Variants in VAT1L observed in about 807,000 individuals in gnomAD.
VAT1L encodes the protein vesicle amine transport 1 like.
VAT1L carries 34 observed loss-of-function variants against 44.1 expected under a neutral mutation model. That is an observed-to-expected ratio of 0.77 (90% CI 0.59 to 1.03). The LOEUF (loss-of-function observed/expected upper bound fraction) is 1.03, where lower values mean the gene tolerates loss of function less well. VAT1L is among the 50% of genes least tolerant of loss of function. VAT1L has a pLI of 0.00. For synonymous variants in VAT1L, 253 were observed against 202.2 expected (o/e 1.25, Z -2.13); for missense variants, 615 against 538.8 (o/e 1.14, Z -1.40).
At chr16:77,808,190 A>G (rs1382965338) in intron 1 of VAT1L, among the ~76,000 whole-genome samples, 1 of 152,106 alleles carries the variant, frequency 6.6e-6, no homozygotes, top group Non-Finnish European at 1.5e-5. Flanking sequence ...GATCAGCGGC[A>G]GCATTAGGTT....
Position 77,967,091 on chromosome 16 carries a change from T to C in VAT1L, c.1078-4759T>C, listed in dbSNP as rs200203714. On this transcript the variant is annotated intron_variant, in intron 7 of 8. Transcript: ENST00000302536. The stretch of plus-strand genomic sequence containing the variant: ...CCGGGGTGCTTTCACTTATAAACGG[T>C]AATTTGGGAGCAATGTCTCTTTTGT... Among the ~76,000 whole-genome samples, 13 of 152,160 alleles carry C rather than the reference T, an allele frequency of 8.5e-5. No homozygotes were observed. In the East Asian group the frequency reaches 2.5e-3, roughly 29 times the overall value.
chr16:77,977,313 C>A (rs2018351656), intron 8 of VAT1L, among the ~76,000 whole-genome samples: 1 of 152,192 alleles, frequency 6.6e-6, no homozygotes, highest in African/African-American at 2.4e-5. Context: ...TACTAACATA[C>A]CCTGCATTGG....
intron 7 of VAT1L, among the ~76,000 whole-genome samples, chr16:77,939,985 G>T (rs2017858492): frequency 6.6e-6 from 1 of 152,146 alleles, no homozygotes; most frequent in Admixed American, 6.5e-5. Context: ...ATAGAAATGA[G>T]ATCATCAGAC....
At chr16:77,863,170 C>T (rs1163154798) in intron 4 of VAT1L, among the ~76,000 whole-genome samples, 1 of 152,196 alleles carries the variant, frequency 6.6e-6, no homozygotes, top group Non-Finnish European at 1.5e-5. Flanking sequence ...AAGTTTATTT[C>T]TCATTCATTC....
In VAT1L at chr16:77,837,569, A is replaced by C. The variant is rs911869046; in HGVS notation, c.579+12108A>C. Among the ~76,000 whole-genome samples the C allele has an allele frequency of 5.3e-5, 8 of 152,188 alleles. No homozygotes were observed. In the East Asian group the frequency reaches 1.5e-3, roughly 29 times the overall value. The stretch of plus-strand genomic sequence containing the variant: ...CTGCTTCGGAAATATTTGTAGAAGA[A>C]ATGAAAGAATCAAGGGAAAGAAGAC... On this transcript the variant is annotated intron_variant, in intron 3 of 8. Transcript: ENST00000302536.
intron 7 of VAT1L, among the ~76,000 whole-genome samples, chr16:77,943,809 C>A (rs448570): frequency 0.012 from 1,851 of 152,090 alleles, 21 homozygotes; most frequent in Middle Eastern, 0.027. Flanking sequence ...GCATAGGGCT[C>A]TCACATAGCA....
intron 7 of VAT1L, among the ~76,000 whole-genome samples, chr16:77,888,379 C>T (rs774588368): frequency 6.6e-6 from 1 of 152,146 alleles, no homozygotes; most frequent in African/African-American, 2.4e-5. Flanking sequence ...GTGCTCAGTA[C>T]ATACTTACTG....
intron 7 of VAT1L, among the ~76,000 whole-genome samples, chr16:77,930,512 G>A (rs899527651): frequency 1.9e-4 from 29 of 152,266 alleles, no homozygotes; most frequent in African/African-American, 7.0e-4. Flanking sequence ...ACCCCTCGCT[G>A]AATCAAACTC....
At chr16:77,967,179 G>T (rs1342933357) in intron 7 of VAT1L, among the ~76,000 whole-genome samples, 5 of 152,136 alleles carry the variant, frequency 3.3e-5, no homozygotes, top group Non-Finnish European at 5.9e-5. Flanking sequence ...ACAGAGGAAG[G>T]GGAAGCTGCC....
intron 3 of VAT1L, among the ~76,000 whole-genome samples, chr16:77,852,416 G>A (rs1208357883): frequency 6.6e-6 from 1 of 152,236 alleles, no homozygotes; most frequent in Non-Finnish European, 1.5e-5. Flanking sequence ...GCACTGGCTG[G>A]CAGCTGAGTT....
At chr16:77,938,716 C>T (rs6564486) in intron 7 of VAT1L, among the ~76,000 whole-genome samples, 12,543 of 152,158 alleles carry the variant, frequency 0.082, 519 homozygotes, top group African/African-American at 0.12. Flanking sequence ...GTACAGGCTG[C>T]GGAACCATGA....
At chr16:77,825,743 G>A (rs539001134) in intron 3 of VAT1L, among the ~76,000 whole-genome samples, 81 of 152,000 alleles carry the variant, frequency 5.3e-4, no homozygotes, top group Non-Finnish European at 1.0e-3. Flanking sequence ...CAGGCCGGGC[G>A]CCGTGACTCA....
At chr16:77,901,869 G>C (rs1368718703) in intron 7 of VAT1L, among the ~76,000 whole-genome samples, 1 of 152,158 alleles carries the variant, frequency 6.6e-6, no homozygotes, top group Non-Finnish European at 1.5e-5. Flanking sequence ...AAGAACAACT[G>C]TCAGTGGTGG....
At chr16:77,818,821 G>A (rs369476735) in intron 2 of VAT1L, among the ~76,000 whole-genome samples, 3 of 152,310 alleles carry the variant, frequency 2.0e-5, no homozygotes, top group Middle Eastern at 6.8e-3. Context: ...GGAGAAAACT[G>A]ACACTAGTAT....
At chr16:77,835,934 T>C (rs1298179795) in intron 3 of VAT1L, among the ~76,000 whole-genome samples, 6 of 152,024 alleles carry the variant, frequency 3.9e-5, no homozygotes, top group African/African-American at 1.4e-4. Context: ...TTGAATAGTA[T>C]GTGACAGAGA....
intron 3 of VAT1L, among the ~76,000 whole-genome samples, chr16:77,848,002 C>T (rs2145265371): frequency 1.3e-5 from 2 of 152,178 alleles, no homozygotes; most frequent in South Asian, 4.2e-4. Flanking sequence ...TGCCATTTGC[C>T]AAAGAGAAGA....
rs116547752 is a variant in VAT1L, at chr16:77,896,876, G to C, written c.1077+12074G>C. ...CAGATGAAAATACTTCACAAAACTG[G>C]ATTTCCTTGTGAGCCAGGGACAGAG... On this transcript the variant is annotated intron_variant, in intron 7 of 8. Coordinates refer to ENST00000302536, the MANE Select transcript of VAT1L (RefSeq NM_020927.3). Among the ~76,000 whole-genome samples the C allele has an allele frequency of 2.7e-3, 412 of 152,234 alleles. 1 individual carries two copies. Among genetic ancestry groups the C allele is most frequent in the African/African-American group, 8.8e-3 (365 of 41,554 alleles).
intron 7 of VAT1L, among the ~76,000 whole-genome samples, chr16:77,927,072 C>T (rs1262671480): frequency 6.6e-6 from 1 of 152,128 alleles, no homozygotes; most frequent in Non-Finnish European, 1.5e-5. Context: ...GGCGCGGTGG[C>T]TCACGCCTGT....
chr16:77,898,405 AAG>A (rs1413220486), intron 7 of VAT1L, among the ~76,000 whole-genome samples: 1 of 152,204 alleles, frequency 6.6e-6, no homozygotes, highest in African/African-American at 2.4e-5. Context: ...GCAAATTATA[AAG>A]GGCTAAAGAG....
Sources: gnomAD v4.1 joint callset for allele counts (sites outside exome capture counted in the v4.1 genomes callset) on GRCh38, gnomAD v4.1.1 for gene constraint, MANE v1.5 for transcripts, NCBI Gene and HGNC (gene_info 2026-07-23, HGNC 2026-07-21) for gene names.